Variants in RALYL observed in about 807,000 individuals in gnomAD.
The protein encoded by RALYL is RNA-binding Raly-like protein.
RALYL carries 29 observed loss-of-function variants against 35.1 expected under a neutral mutation model. That is an observed-to-expected ratio of 0.83 (90% CI 0.61 to 1.13). RALYL has a LOEUF of 1.13. Ranked by LOEUF, RALYL falls within the 50% of genes most tolerant of loss-of-function variation. The pLI is 0.00. For synonymous variants in RALYL, 120 were observed against 127.6 expected, an observed-to-expected ratio of 0.94 and a Z score of 0.40; for missense variants, 359 against 360.4, an observed-to-expected ratio of 1.00 and a Z score of 0.03.
chr8:84,485,229 A>T (rs2133947577), intron 1 of RALYL, among the ~76,000 whole-genome samples: 1 of 152,228 alleles, frequency 6.6e-6, no homozygotes, highest in South Asian at 2.1e-4. Context: ...CATATATTAA[A>T]CTAGCTCCTT....
At chr8:84,886,162 A>G (rs1842896460) in intron 7 of RALYL, among the ~76,000 whole-genome samples, 1 of 152,178 alleles carries the variant, frequency 6.6e-6, no homozygotes, top group Non-Finnish European at 1.5e-5. Flanking sequence ...ATTTTCAATA[A>G]ACTTTATCAT....
chr8:84,526,077 G>T (rs1271933216), intron 1 of RALYL, among the ~76,000 whole-genome samples: 1 of 148,590 alleles, frequency 6.7e-6, no homozygotes, highest in Non-Finnish European at 1.5e-5. Flanking sequence ...TCAGCCTTCC[G>T]AGTAGCTGGG....
At chr8:84,836,003 C>T (rs1319908992) in intron 4 of RALYL, among the ~76,000 whole-genome samples, 1 of 152,078 alleles carries the variant, frequency 6.6e-6, no homozygotes, top group Non-Finnish European at 1.5e-5. Context: ...CTGTATGTTA[C>T]CTTGTAAGCC....
chr8:84,595,172 A>G (rs1278863877), intron 2 of RALYL, among the ~76,000 whole-genome samples: 1 of 152,184 alleles, frequency 6.6e-6, no homozygotes, highest in African/African-American at 2.4e-5. Context: ...CTCCATAAAA[A>G]TAATAATTCT....
At chr8:84,215,237 G>GA (rs1563546050) in intron 1 of RALYL, among the ~76,000 whole-genome samples, 2 of 151,868 alleles carry the variant, frequency 1.3e-5, no homozygotes, top group Admixed American at 6.6e-5. Context: ...ATTGTAACAG[G>GA]AAAAAACTGT....
intron 2 of RALYL, among the ~76,000 whole-genome samples, chr8:84,543,649 T>A (rs1176813722): frequency 6.6e-6 from 1 of 152,106 alleles, no homozygotes; most frequent in Non-Finnish European, 1.5e-5. Flanking sequence ...CAATTAATGG[T>A]CAAATTATTA....
intron 2 of RALYL, among the ~76,000 whole-genome samples, chr8:84,536,940 T>C (rs2059651272): frequency 6.6e-6 from 1 of 152,062 alleles, no homozygotes; most frequent in Non-Finnish European, 1.5e-5. Context: ...CTATTCATCA[T>C]TCTAGCTTTT....
intron 1 of RALYL, among the ~76,000 whole-genome samples, chr8:84,239,100 G>A (rs1769227750): frequency 6.6e-6 from 1 of 152,142 alleles, no homozygotes; most frequent in South Asian, 2.1e-4. Flanking sequence ...ATGGCTTGAG[G>A]CTACATAACC....
rs374552401 is a variant in RALYL at position 84,296,489 on chromosome 8, A to G, written c.-24+112065A>G. Among the ~76,000 whole-genome samples, 4 of 152,036 alleles carry G rather than the reference A, an allele frequency of 2.6e-5. No homozygotes were observed. In the East Asian group the frequency reaches 5.8e-4, roughly 22 times the overall value. ...TGTTCATCTTTCCTTTCCTTTGAAA[A>G]TGCCCCAGGCTCCTTATGTTAATTA... On this transcript the variant is annotated intron_variant, in intron 1 of 8. Coordinates refer to ENST00000521268, the MANE Select transcript of RALYL (RefSeq NM_173848.7).
chr8:84,661,020 C>A (rs1238579527), intron 2 of RALYL, among the ~76,000 whole-genome samples: 6 of 151,946 alleles, frequency 3.9e-5, no homozygotes, highest in African/African-American at 1.5e-4. Context: ...GCTCTGCCTC[C>A]CGGGTTCACG....
Position 84,862,370 on chromosome 8 carries a change from T to C in RALYL, c.488T>C (p.Val163Ala). Residue 163 changes from valine to alanine, a missense_variant, in exon 6 of 9, where the codon GTC (valine) becomes GCC (alanine). By Grantham distance (64) the Val-to-Ala change is moderately conservative (BLOSUM62 0). Transcript: ENST00000521268. ...CCGCTGAAGCGTCCCAGAGTGGCAG[T>C]CACAACGACTCGCAGGGGGAAAGGA... Reference protein sequence around the residue: ...VIPLKRPRVAVTTTRRGKGVF... With the variant: ...VIPLKRPRVAATTTRRGKGVF... 1.2e-6 allele frequency: 2 copies of C among 1,607,350 alleles called. No individual in the cohort carries two copies. Among genetic ancestry groups the C allele is most frequent in the East Asian group, 4.5e-5 (2 of 44,112 alleles).
intron 1 of RALYL, among the ~76,000 whole-genome samples, chr8:84,403,297 T>C (rs931225486): frequency 6.6e-6 from 1 of 151,304 alleles, no homozygotes; most frequent in African/African-American, 2.5e-5. Context: ...TTTTACGTAT[T>C]ACATTTAATC....
At chr8:84,470,564 A>G (rs1238498183) in intron 1 of RALYL, among the ~76,000 whole-genome samples, 1 of 152,110 alleles carries the variant, frequency 6.6e-6, no homozygotes, top group Non-Finnish European at 1.5e-5. Flanking sequence ...TAGTAGCAAC[A>G]TGAAATCTTG....
chr8:84,845,048 A>C (rs1165555565), intron 4 of RALYL, among the ~76,000 whole-genome samples: 2 of 152,224 alleles, frequency 1.3e-5, no homozygotes, highest in African/African-American at 4.8e-5. Context: ...CAGCACACCC[A>C]CACGGCACAT....
At chr8:84,434,352 C>T (rs1004341683) in intron 1 of RALYL, among the ~76,000 whole-genome samples, 9 of 152,180 alleles carry the variant, frequency 5.9e-5, no homozygotes, top group East Asian at 3.9e-4. Flanking sequence ...TTGAGGGAGA[C>T]GCAATTCAGC....
At chr8:84,834,406 T>G (rs968413465) in intron 4 of RALYL, among the ~76,000 whole-genome samples, 6 of 152,156 alleles carry the variant, frequency 3.9e-5, no homozygotes, top group Middle Eastern at 3.2e-3. Context: ...TGACTTGAGG[T>G]CAGAGAAGTC....
At chr8:84,541,113 A>G (rs1220861144) in intron 2 of RALYL, among the ~76,000 whole-genome samples, 1 of 151,734 alleles carries the variant, frequency 6.6e-6, no homozygotes, top group African/African-American at 2.4e-5. Flanking sequence ...TTACTCTGGA[A>G]TAATATCCTT....
chr8:84,341,633 A>C (rs1454194511), intron 1 of RALYL, among the ~76,000 whole-genome samples: 1 of 152,074 alleles, frequency 6.6e-6, no homozygotes, highest in Non-Finnish European at 1.5e-5. Flanking sequence ...AAGTTAATTC[A>C]GAAGAATGAC....
intron 2 of RALYL, among the ~76,000 whole-genome samples, chr8:84,704,480 C>CACACACACACACACA (rs145150857): frequency 0.051 from 7,113 of 139,464 alleles, 250 homozygotes; most frequent in Non-Finnish European, 0.07. Context: ...CACACACACA[C>CACACACACACACACA]ACAACAACTC....
Sources: gnomAD v4.1 joint callset for allele counts (sites outside exome capture counted in the v4.1 genomes callset) on GRCh38, gnomAD v4.1.1 for gene constraint, MANE v1.5 for transcripts, NCBI Gene and HGNC (gene_info 2026-07-23, HGNC 2026-07-21) for gene names.